Variants in SGMS1 observed in about 807,000 individuals in gnomAD.
The protein encoded by SGMS1 is phosphatidylcholine:ceramide cholinephosphotransferase 1.
In SGMS1, 13 loss-of-function variants were observed where a neutral mutation model predicts 46.2. The observed-to-expected ratio is 0.28, with a 90% CI of 0.18 to 0.45. The LOEUF (loss-of-function observed/expected upper bound fraction) is 0.45, where lower values mean the gene tolerates loss of function less well. Ranked by LOEUF, SGMS1 falls within the 20% of genes least tolerant of loss-of-function variation. SGMS1 has a pLI of 1.00. For missense variants in SGMS1, 324 were observed against 519.9 expected, an observed-to-expected ratio of 0.62 and a Z score of 3.66; for synonymous variants, 203 against 187.8, an observed-to-expected ratio of 1.08 and a Z score of -0.66.
At chr10:50,331,145 TA>T (rs1352797963) in intron 7 of SGMS1, among the ~76,000 whole-genome samples, 2 of 152,176 alleles carry the variant, frequency 1.3e-5, no homozygotes, top group Non-Finnish European at 2.9e-5. Flanking sequence ...ACCACACTAC[TA>T]AAAAACAAAG....
rs746428046 is a variant in SGMS1, at chr10:50,343,964, G to C, written c.151C>G (p.Arg51Gly). The change falls in exon 7 of 11, where the codon CGA becomes GGA. Residue 51 changes from arginine (R) to glycine (G), a missense_variant. By Grantham distance (125) the Arg-to-Gly change is moderately radical. This residue lies in a region of SGMS1 where 150 missense variants were observed against 169.8 expected (regional missense o/e 0.88). Transcript: ENST00000361781. Reference protein sequence around the residue: ...QEDFKKPPLCRVSSDNGQRLL... With the variant: ...QEDFKKPPLCGVSSDNGQRLL... Reference sequence around the variant, plus strand: ...CGCTGCCCATTGTCAGAGGAGACTCGGCACAAGGGGGGTTTTTTGAAATCC... The same window carrying C: ...CGCTGCCCATTGTCAGAGGAGACTCCGCACAAGGGGGGTTTTTTGAAATCC... The C allele has an allele frequency of 1.2e-6, 2 of 1,614,108 alleles. No homozygotes were observed. Among genetic ancestry groups the C allele is most frequent in the Non-Finnish European group, 8.5e-7 (1 of 1,180,020 alleles).
At chr10:50,508,376 T>C (rs1837725153) in intron 3 of SGMS1, among the ~76,000 whole-genome samples, 1 of 152,188 alleles carries the variant, frequency 6.6e-6, no homozygotes, top group Non-Finnish European at 1.5e-5. Context: ...ATTGACTGAA[T>C]CCTAGAGCTG....
At chr10:50,424,656 A>G (rs1849298326) in intron 6 of SGMS1, among the ~76,000 whole-genome samples, 1 of 152,236 alleles carries the variant, frequency 6.6e-6, no homozygotes, top group South Asian at 2.1e-4. Context: ...CGCATCTCAC[A>G]AAGTTCTAAC....
At chr10:50,545,391 A>G (rs548498958) in intron 2 of SGMS1, among the ~76,000 whole-genome samples, 10 of 152,338 alleles carry the variant, frequency 6.6e-5, no homozygotes, top group Admixed American at 2.0e-4. Flanking sequence ...TCCCAACAAC[A>G]GTACAGGTCT....
At chr10:50,610,454 T>C (rs1488048092) in intron 1 of SGMS1, among the ~76,000 whole-genome samples, 2 of 152,144 alleles carry the variant, frequency 1.3e-5, no homozygotes, top group Admixed American at 1.3e-4. Flanking sequence ...AATAAGAACC[T>C]GTGGGCCACA....
At chr10:50,615,043 C>T (rs1588893566) in intron 1 of SGMS1, among the ~76,000 whole-genome samples, 1 of 152,222 alleles carries the variant, frequency 6.6e-6, no homozygotes, top group Non-Finnish European at 1.5e-5. Context: ...AAATAAAATT[C>T]GCTTCCTGAA....
chr10:50,455,039 T>G (rs1016564732), intron 5 of SGMS1, among the ~76,000 whole-genome samples: 1 of 152,190 alleles, frequency 6.6e-6, no homozygotes, highest in African/African-American at 2.4e-5. Flanking sequence ...GACTGTAAGT[T>G]CCATGAGAGA....
At position 50,327,252 on chromosome 10, in the gene SGMS1, C is replaced by T; in HGVS notation, c.694G>A (p.Val232Ile). 6.2e-7 allele frequency: 1 copy of T among 1,609,348 alleles called. No individual in the cohort carries two copies. The highest frequency in any genetic ancestry group is 8.5e-7 in the Non-Finnish European group (1 of 1,177,096). The change falls in exon 8 of 11, where the codon GTA (valine) becomes ATA (isoleucine). Residue 232 changes from valine (V) to isoleucine (I), a missense_variant. This residue lies in a region of SGMS1 where 174 missense variants were observed against 350.1 expected (regional missense o/e 0.50). Transcript: ENST00000361781. The stretch of plus-strand genomic sequence containing the variant: ...ATACCAGGTACTGGGAGTGTAGTTA[C>T]ATACATTGTAATACACCGATACAGG... ...LYLYRCITMY[V>I]TTLPVPGMHF... is the part of the protein sequence containing the mutation.
At chr10:50,371,262 G>A (rs932189070) in intron 6 of SGMS1, among the ~76,000 whole-genome samples, 15 of 152,232 alleles carry the variant, frequency 9.9e-5, no homozygotes, top group East Asian at 1.9e-4. Flanking sequence ...CCAAAATGTC[G>A]TTATGCCACG....
intron 7 of SGMS1, among the ~76,000 whole-genome samples, chr10:50,339,990 C>T (rs541756010): frequency 2.9e-4 from 44 of 152,172 alleles, no homozygotes; most frequent in Non-Finnish European, 5.3e-4. Flanking sequence ...AGAAATGGAT[C>T]TAAAATTAGA....
At chr10:50,494,592 CG>C (rs1564927817) in intron 3 of SGMS1, among the ~76,000 whole-genome samples, 2 of 151,942 alleles carry the variant, frequency 1.3e-5, no homozygotes, top group African/African-American at 4.8e-5. Context: ...CACATGGACA[CG>C]TAGAGGGGAA....
intron 6 of SGMS1, among the ~76,000 whole-genome samples, chr10:50,379,850 TC>T (rs1848575855): frequency 6.6e-6 from 1 of 152,252 alleles, no homozygotes; most frequent in Non-Finnish European, 1.5e-5. Flanking sequence ...GCCCCAAACT[TC>T]CTGGCAACGG....
At chr10:50,353,359 G>A (rs1295787956) in intron 6 of SGMS1, among the ~76,000 whole-genome samples, 1 of 152,298 alleles carries the variant, frequency 6.6e-6, no homozygotes, top group East Asian at 1.9e-4. Context: ...CTCAACAGAT[G>A]CAGAAAAGGC....
At chr10:50,428,712 T>C (rs1029831195) in intron 6 of SGMS1, among the ~76,000 whole-genome samples, 3 of 152,196 alleles carry the variant, frequency 2.0e-5, no homozygotes, top group African/African-American at 7.2e-5. Flanking sequence ...AATCTGGTAC[T>C]CTCTCACCCA....
chr10:50,422,381 C>T (rs567465304), intron 6 of SGMS1, among the ~76,000 whole-genome samples: 1 of 152,140 alleles, frequency 6.6e-6, no homozygotes, highest in Admixed American at 6.5e-5. Context: ...CTGTTCAAAC[C>T]AGTTGGCAAG....
chr10:50,608,595 T>C (rs1228808161), intron 1 of SGMS1, among the ~76,000 whole-genome samples: 4 of 152,134 alleles, frequency 2.6e-5, no homozygotes, highest in Non-Finnish European at 2.9e-5. Context: ...TCAAGGAAGA[T>C]AGTATTATCA....
At chr10:50,323,873 T>C (rs760115623) in intron 8 of SGMS1, among the ~76,000 whole-genome samples, 9 of 152,230 alleles carry the variant, frequency 5.9e-5, no homozygotes, top group Non-Finnish European at 1.3e-4. Context: ...GAGGCCCTTA[T>C]CACAGCATTT....
At chr10:50,546,836 C>T (rs1373273390) in intron 2 of SGMS1, among the ~76,000 whole-genome samples, 13 of 151,924 alleles carry the variant, frequency 8.6e-5, no homozygotes, top group Non-Finnish European at 8.8e-5. Context: ...CAAACCTTCA[C>T]GTTGTGCACA....
intron 5 of SGMS1, among the ~76,000 whole-genome samples, chr10:50,446,359 A>C (rs953982683): frequency 3.3e-5 from 5 of 152,092 alleles, no homozygotes; most frequent in Non-Finnish European, 1.5e-5. Context: ...CCAGCTTTAA[A>C]ATTTCTCCCT....
Sources: gnomAD v4.1 joint callset for allele counts (sites outside exome capture counted in the v4.1 genomes callset) on GRCh38, gnomAD v4.1.1 for gene constraint, gnomAD v4.1.1 regional missense constraint, MANE v1.5 for transcripts, NCBI Gene and HGNC (gene_info 2026-07-23, HGNC 2026-07-21) for gene names.